Variants in FNTA observed in about 807,000 individuals in gnomAD.
The protein encoded by FNTA is farnesyltransferase, CAAX box, subunit alpha, also known as protein farnesyltransferase/geranylgeranyltransferase type-1 subunit alpha.
A neutral mutation model predicts 55.2 loss-of-function variants in FNTA; 27 were observed. The observed-to-expected ratio is 0.49, with a 90% CI of 0.36 to 0.67. The LOEUF is 0.67. FNTA is among the 30% of genes least tolerant of loss of function. The probability of loss-of-function intolerance (pLI) is 0.00; values close to 1 mark genes in which losing one functional copy is unlikely to be tolerated. For missense variants in FNTA, 422 were observed against 464.7 expected (o/e 0.91, Z 0.85); for synonymous variants, 176 against 170.7 (o/e 1.03, Z -0.24).
chr8:43,074,658 A>C (rs1432031915), intron 5 of FNTA, among the ~76,000 whole-genome samples: 7 of 152,202 alleles, frequency 4.6e-5, no homozygotes, highest in Non-Finnish European at 1.0e-4. Context: ...TGGAAGGGGA[A>C]GTCTCAGGTT....
At position 43,077,213 on chromosome 8, in the gene FNTA, T is replaced by G. The variant is rs750984509; in HGVS notation, c.634-3T>G. On this transcript the variant is annotated splice_region_variant and splice_polypyrimidine_tract_variant and intron_variant, in intron 5 of 8. Transcript: ENST00000302279. The stretch of plus-strand genomic sequence containing the variant: ...GGATGATTTTTCTAAATTTTTCCTT[T>G]AGGAATTTAAACTTTGGGATAATGA... 6.4e-7 allele frequency: 1 copy of G among 1,564,164 alleles called. No homozygotes were observed.
At chr8:43,066,580 C>T (rs970103672) in intron 3 of FNTA, among the ~76,000 whole-genome samples, 3 of 88,536 alleles carry the variant, frequency 3.4e-5, no homozygotes, top group Non-Finnish European at 7.3e-5. Flanking sequence ...TTTTAAATAG[C>T]ATCGTTCGTG....
At chr8:43,059,399 G>C (rs533911633) in intron 2 of FNTA, among the ~76,000 whole-genome samples, 1 of 152,056 alleles carries the variant, frequency 6.6e-6, no homozygotes, top group Non-Finnish European at 1.5e-5. Context: ...AATAATAAAC[G>C]TTACAGTATA....
At chr8:43,060,866 C>T (rs1810515254) in intron 2 of FNTA, among the ~76,000 whole-genome samples, 1 of 152,008 alleles carries the variant, frequency 6.6e-6, no homozygotes, top group Admixed American at 6.6e-5. Flanking sequence ...GTCATTTAAA[C>T]AGGATCCATA....
intron 3 of FNTA, among the ~76,000 whole-genome samples, chr8:43,067,507 T>A (rs190374095): frequency 2.1e-4 from 32 of 152,288 alleles, no homozygotes; most frequent in Middle Eastern, 3.4e-3. Flanking sequence ...GAATTCTCAG[T>A]GTGTTTCATC....
In FNTA at chr8:43,072,208, G is replaced by T. The variant is rs762296755; in HGVS notation, c.534G>T (p.Trp178Cys). The change falls in exon 5 of 9, where the codon TGG (tryptophan) becomes TGT (cysteine). Residue 178 changes from tryptophan (W) to cysteine (C), a missense_variant. By Grantham distance (215) the Trp-to-Cys change is radical. Around this residue, in one of 2 missense-constraint regions of FNTA, gnomAD observed 262 missense variants for 343.1 expected, o/e 0.76. Coordinates refer to ENST00000302279, the MANE Select transcript of FNTA (RefSeq NM_002027.3). ...ATCATAGGCGAGTATTAGTGGAATGGCTAAGAGATCCATCTCAGGAGCTTG... is the reference window on the plus strand; with the variant it reads ...ATCATAGGCGAGTATTAGTGGAATGTCTAAGAGATCCATCTCAGGAGCTTG... The part of the protein sequence containing the change: ...VWHHRRVLVE[W>C]LRDPSQELEF... 15 of 1,574,984 alleles carry T rather than the reference G, an allele frequency of 9.5e-6. No homozygotes were observed. Among genetic ancestry groups the T allele is most frequent in the Non-Finnish European group, 1.2e-5 (14 of 1,161,060 alleles).
chr8:43,057,157 TG>T (rs1810428207), intron 1 of FNTA: 1 of 152,216 alleles, frequency 6.6e-6, no homozygotes, highest in Non-Finnish European at 1.5e-5. Flanking sequence ...TGAGGTGTAC[TG>T]GGGACTGCGG....
intron 4 of FNTA, chr8:43,070,233 G>A (rs1278959719): frequency 6.6e-6 from 1 of 151,828 alleles, no homozygotes; most frequent in African/African-American, 2.4e-5. Context: ...ACTTGAACCT[G>A]GGAGGTGGAG....
At chr8:43,060,854 A>G (rs971673069) in intron 2 of FNTA, among the ~76,000 whole-genome samples, 9 of 152,174 alleles carry the variant, frequency 5.9e-5, no homozygotes, top group South Asian at 4.1e-4. Context: ...GGAAGAAGGT[A>G]TGTCATTTAA....
intron 5 of FNTA, among the ~76,000 whole-genome samples, chr8:43,075,581 C>G (rs144053187): frequency 1.3e-5 from 2 of 151,768 alleles, no homozygotes; most frequent in Non-Finnish European, 2.9e-5. Flanking sequence ...TTTGGGAGGC[C>G]GAGGTGGGCA....
At chr8:43,077,764 C>G (rs1004178093) in intron 6 of FNTA, 1 of 154,008 alleles carries the variant, frequency 6.5e-6, no homozygotes, top group Non-Finnish European at 1.4e-5. Context: ...TTAGCAGCAT[C>G]CTGGCCTTAA....
intron 3 of FNTA, 80 bp from the exon 4 acceptor site, chr8:43,069,475 G>T: frequency 2.3e-6 from 2 of 887,262 alleles, no homozygotes; most frequent in South Asian, 1.5e-5. Flanking sequence ...CTGTATTGCT[G>T]ACTTGTAGCT....
intron 3 of FNTA, among the ~76,000 whole-genome samples, chr8:43,064,611 G>C (rs921147230): frequency 5.9e-5 from 9 of 152,126 alleles, no homozygotes; most frequent in African/African-American, 1.7e-4. Context: ...CACTGTGCCT[G>C]GCCTTTAATT....
rs1023591920 is a variant in FNTA at position 43,072,317 on chromosome 8, T to G, written c.633+10T>G. On this transcript the variant is annotated intron_variant, in intron 5 of 8. Coordinates refer to ENST00000302279, the MANE Select transcript of FNTA (RefSeq NM_002027.3). ...ACAATGGGTTATTCAGGTATTGCCT[T>G]TCTTGTACAGTGTTTTTCAGATTTT... 15 of 1,538,620 alleles carry G rather than the reference T, an allele frequency of 9.7e-6. No individual in the cohort carries two copies. The highest frequency in any genetic ancestry group is 2.2e-5 in the Admixed American group (1 of 46,326).
chr8:43,064,844 A>ATT (rs1218557745), intron 3 of FNTA, among the ~76,000 whole-genome samples: 1 of 141,036 alleles, frequency 7.1e-6, no homozygotes, highest in African/African-American at 2.6e-5. Flanking sequence ...TTTTACTTTT[A>ATT]TTTTTTTTTT....
At position 43,066,033 on chromosome 8, in the gene FNTA, T is replaced by C. The variant is rs975287455; in HGVS notation, c.401+1818T>C. On this transcript the variant is annotated intron_variant, in intron 3 of 8. Transcript: ENST00000302279. ...TTTTTCTCTTTATGTTCTGGGGATTTTTCTGGGTTCTTCTGATAATTTCTT... is the reference window on the plus strand; with the variant it reads ...TTTTTCTCTTTATGTTCTGGGGATTCTTCTGGGTTCTTCTGATAATTTCTT... Among the ~76,000 whole-genome samples the C allele has an allele frequency of 4.6e-5, 7 of 151,328 alleles. 1 individual carries two copies. Among genetic ancestry groups the C allele is most frequent in the African/African-American group, 1.7e-4 (7 of 40,732 alleles).
chr8:43,072,753 C>T (rs1810821318), intron 5 of FNTA, among the ~76,000 whole-genome samples: 1 of 152,014 alleles, frequency 6.6e-6, no homozygotes, highest in Admixed American at 6.6e-5. Flanking sequence ...ACATTATTAA[C>T]ATACTTAAAA....
At chr8:43,057,193 G>A (rs1021138343) in intron 1 of FNTA, 1 of 152,200 alleles carries the variant, frequency 6.6e-6, no homozygotes. Flanking sequence ...CTGTCACCCC[G>A]TCTTTGCTGA....
chr8:43,070,711 G>A (rs1331880669), intron 4 of FNTA, among the ~76,000 whole-genome samples: 3 of 152,266 alleles, frequency 2.0e-5, no homozygotes, highest in Admixed American at 6.5e-5. Flanking sequence ...CTAATTATCC[G>A]CTCTGTTCGT....
Sources: gnomAD v4.1 joint callset for allele counts (sites outside exome capture counted in the v4.1 genomes callset) on GRCh38, gnomAD v4.1.1 for gene constraint, gnomAD v4.1.1 regional missense constraint, MANE v1.5 for transcripts, NCBI Gene and HGNC (gene_info 2026-07-23, HGNC 2026-07-21) for gene names.